Variants in KSR2 observed in about 807,000 individuals in gnomAD.
KSR2 encodes the protein kinase suppressor of ras 2.
In KSR2, 25 loss-of-function variants were observed where a neutral mutation model predicts 107.8. The observed-to-expected ratio is 0.23, with a 90% CI of 0.17 to 0.32. The LOEUF (loss-of-function observed/expected upper bound fraction) is 0.32. Ranked by LOEUF, KSR2 falls within the 10% of genes least tolerant of loss-of-function variation. The pLI, the probability that KSR2 is intolerant of heterozygous loss-of-function variation, is 1.00. For missense variants in KSR2, 887 were observed against 1,268.9 expected, an observed-to-expected ratio of 0.70 and a Z score of 4.57; for synonymous variants, 480 against 507.0, an observed-to-expected ratio of 0.95 and a Z score of 0.71.
At chr12:117,803,611 G>A (rs1890910870) in intron 3 of KSR2, among the ~76,000 whole-genome samples, 1 of 152,150 alleles carries the variant, frequency 6.6e-6, no homozygotes, top group African/African-American at 2.4e-5. Context: ...GCTGAGGCAG[G>A]AGAATGGCAT....
chr12:117,754,235 G>C (rs976435111), intron 4 of KSR2, among the ~76,000 whole-genome samples: 26 of 152,164 alleles, frequency 1.7e-4, no homozygotes, highest in Non-Finnish European at 3.5e-4. Flanking sequence ...TGCTCATTCT[G>C]AAAAGGCACG....
intron 5 of KSR2, among the ~76,000 whole-genome samples, chr12:117,599,148 G>A (rs145861263): frequency 1.0e-3 from 154 of 152,264 alleles, no homozygotes; most frequent in African/African-American, 3.3e-3. Context: ...GGCAAAAACT[G>A]CAATAACTTG....
intron 13 of KSR2, among the ~76,000 whole-genome samples, chr12:117,526,235 G>C (rs1875153040): frequency 6.6e-6 from 1 of 152,208 alleles, no homozygotes; most frequent in Non-Finnish European, 1.5e-5. Flanking sequence ...ACTACCACTA[G>C]AGTTAAATGC....
intron 3 of KSR2, among the ~76,000 whole-genome samples, chr12:117,793,800 C>T (rs1365027405): frequency 7.6e-6 from 1 of 131,690 alleles, no homozygotes; most frequent in Non-Finnish European, 1.7e-5. Context: ...TGCACACATG[C>T]AACATGCACA....
At chr12:117,839,113 G>A (rs953504154) in intron 3 of KSR2, among the ~76,000 whole-genome samples, 3 of 152,128 alleles carry the variant, frequency 2.0e-5, no homozygotes, top group African/African-American at 4.8e-5. Flanking sequence ...CCTCCCACAC[G>A]ATCTCATTCC....
At chr12:117,776,806 C>T (rs1889700488) in intron 3 of KSR2, among the ~76,000 whole-genome samples, 1 of 151,990 alleles carries the variant, frequency 6.6e-6, no homozygotes, top group Non-Finnish European at 1.5e-5. Context: ...ACCTCCATCC[C>T]AGCTACTCTC....
chr12:117,851,275 C>A (rs1204623957), intron 3 of KSR2, among the ~76,000 whole-genome samples: 1 of 152,102 alleles, frequency 6.6e-6, no homozygotes, highest in Non-Finnish European at 1.5e-5. Flanking sequence ...AGGTTCAAAC[C>A]ATAGTGAGGT....
chr12:117,555,142 C>G (rs769103691), intron 9 of KSR2, 27 bp downstream of exon 9: 2 of 1,613,332 alleles, frequency 1.2e-6, no homozygotes, highest in Non-Finnish European at 1.7e-6. Context: ...CCCCACATGC[C>G]GAGACCCAGG....
chr12:117,707,300 A>T (rs1886566005), intron 4 of KSR2, among the ~76,000 whole-genome samples: 2 of 152,202 alleles, frequency 1.3e-5, no homozygotes, highest in East Asian at 3.8e-4. Flanking sequence ...TTTCGGGGTG[A>T]TAAAATGTTT....
intron 5 of KSR2, among the ~76,000 whole-genome samples, chr12:117,589,650 C>A (rs184058203): frequency 1.3e-5 from 2 of 152,276 alleles, no homozygotes; most frequent in Admixed American, 1.3e-4. Flanking sequence ...AGCTAAAATC[C>A]CACTGATTTA....
At chr12:117,608,763 AC>A (rs1223792008) in intron 5 of KSR2, among the ~76,000 whole-genome samples, 1 of 152,238 alleles carries the variant, frequency 6.6e-6, no homozygotes, top group Non-Finnish European at 1.5e-5. Context: ...TGGAGAAGGG[AC>A]CAATGAAAGC....
rs1335600442 is a variant in KSR2, at chr12:117,466,968, C to T, written c.*231G>A. On this transcript the variant is annotated 3_prime_UTR_variant, in exon 20 of 20. Transcript: ENST00000339824. ...CCGCACTGATCAATAACGCATCACC[C>T]TGGCTGGTCCGGTTCAGTCCTAGCT... 4.4e-6 allele frequency: 2 copies of T among 457,224 alleles called. No individual in the cohort carries two copies. Among genetic ancestry groups the T allele is most frequent in the African/African-American group, 2.0e-5 (1 of 49,124 alleles). The allele number at this position is 457,224 out of a possible 1,614,324, so 28.3% of individuals were successfully genotyped here. A position where few individuals can be genotyped will look rare whatever the true frequency, so the allele number is the denominator to read the frequency against.
intron 5 of KSR2, among the ~76,000 whole-genome samples, chr12:117,609,626 T>C (rs946286962): frequency 6.6e-6 from 1 of 152,208 alleles, no homozygotes; most frequent in African/African-American, 2.4e-5. Context: ...CTCACTTTTG[T>C]GTTGTCTGTG....
chr12:117,786,155 CT>C (rs1439123873), intron 3 of KSR2, among the ~76,000 whole-genome samples: 2 of 152,010 alleles, frequency 1.3e-5, no homozygotes, highest in African/African-American at 4.8e-5. Flanking sequence ...AGACAAGTTA[CT>C]AGAACATCTT....
intron 16 of KSR2, among the ~76,000 whole-genome samples, chr12:117,477,058 G>T (rs1008647886): frequency 1.3e-5 from 2 of 152,188 alleles, no homozygotes; most frequent in Non-Finnish European, 2.9e-5. Flanking sequence ...GGGCTCAGAA[G>T]TGTTAAGTGA....
At position 117,598,588 on chromosome 12, in the gene KSR2, T is replaced by C. The variant is rs192243684; in HGVS notation, c.1172-16229A>G. 3.5e-3 allele frequency among the ~76,000 whole-genome samples: 537 copies of C among 152,334 alleles called. 3 individuals carry two copies. Among genetic ancestry groups the C allele is most frequent in the African/African-American group, 0.011 (478 of 41,568 alleles). ...CTAGTTTACATTCCCACTGGCAGTA[T>C]AAAAGTGTTCCGTTTTCACCACATC... On this transcript the variant is annotated intron_variant, in intron 5 of 19. Coordinates refer to ENST00000339824, the MANE Select transcript of KSR2 (RefSeq NM_173598.6).
intron 14 of KSR2, among the ~76,000 whole-genome samples, chr12:117,491,414 A>C (rs12296893): frequency 0.1 from 15,707 of 152,150 alleles, 1,471 homozygotes; most frequent in African/African-American, 0.25. Flanking sequence ...TCCTGACCTC[A>C]GGTGATGCCC....
At chr12:117,790,466 G>C (rs1333432802) in intron 3 of KSR2, among the ~76,000 whole-genome samples, 1 of 152,194 alleles carries the variant, frequency 6.6e-6, no homozygotes, top group African/African-American at 2.4e-5. Flanking sequence ...CAATAGGGCA[G>C]AGGAAGCAAT....
chr12:117,789,624 G>T lies in KSR2; in HGVS notation c.473-28100C>A, dbSNP rs141365294. Among the ~76,000 whole-genome samples the T allele has an allele frequency of 4.2e-3, 643 of 152,244 alleles. 3 individuals carry two copies. The highest frequency in any genetic ancestry group is 0.015 in the African/African-American group (608 of 41,532). ...CACGTTTGGATCTTTTTCTTAATATGACTCTTCCTGCCACCTTGCATGCTG... is the reference window on the plus strand; with the variant it reads ...CACGTTTGGATCTTTTTCTTAATATTACTCTTCCTGCCACCTTGCATGCTG... On this transcript the variant is annotated intron_variant, in intron 3 of 19. Coordinates refer to ENST00000339824, the MANE Select transcript of KSR2 (RefSeq NM_173598.6).
Sources: allele counts gnomAD v4.1 joint callset (sites outside exome capture counted in the v4.1 genomes callset), GRCh38; gene constraint gnomAD v4.1.1; transcripts MANE v1.5; gene names NCBI Gene and HGNC (gene_info 2026-07-23, HGNC 2026-07-21).